Variants in MLST8 observed in about 807,000 individuals in gnomAD.
MLST8 encodes MTOR associated protein MLST8.
In MLST8, 20 loss-of-function variants were observed where a neutral mutation model predicts 41.3. The ratio of observed to expected loss-of-function variants is 0.48; its 90% CI spans 0.34 to 0.70. The LOEUF (loss-of-function observed/expected upper bound fraction) is 0.70. Among genes scored for constraint, MLST8 ranks in the 30% least tolerant of loss-of-function variants. The pLI is 0.01. For synonymous variants in MLST8, 243 were observed against 183.0 expected, an observed-to-expected ratio of 1.33 and a Z score of -2.65; for missense variants, 422 against 454.3, an observed-to-expected ratio of 0.93 and a Z score of 0.65.
At chr16:2,206,924 C>T (rs2093302668) in intron 4 of MLST8, 111 bp from the exon 5 acceptor site, 1 of 1,397,250 alleles carries the variant, frequency 7.2e-7, no homozygotes, top group Non-Finnish European at 1.0e-6. Context: ...AAGTATTTCC[C>T]AAGAGGCAGG....
rs1454579895 is a variant in MLST8, at chr16:2,206,121, G to A, written c.36G>A (p.Pro12=). 16 of 1,609,880 alleles carry A rather than the reference G, an allele frequency of 9.9e-6. No individual in the cohort carries two copies. Among genetic ancestry groups the A allele is most frequent in the Non-Finnish European group, 1.4e-5 (16 of 1,177,844 alleles). The change falls in exon 2 of 9, where the codon CCG becomes CCA. Residue 12 remains proline (P), a synonymous_variant. Transcript: ENST00000569417. ...NTSPGTVGSD[P]VILATAGYDH... ...CCCCAGGCACGGTGGGCAGTGACCCGGTCATCCTGGCCACTGCAGGCTACG... is the reference window on the plus strand; with the variant it reads ...CCCCAGGCACGGTGGGCAGTGACCCAGTCATCCTGGCCACTGCAGGCTACG...
In MLST8 at chr16:2,205,995, G is replaced by A. The variant is rs2093278642; in HGVS notation, c.-55-36G>A. Reference sequence around the variant, plus strand: ...GGGTCTATAATCTACTTAGCACAGAGAGTGTCTTCTAAGTACTTCACATCC... The same window carrying A: ...GGGTCTATAATCTACTTAGCACAGAAAGTGTCTTCTAAGTACTTCACATCC... On this transcript the variant is annotated intron_variant, in intron 1 of 8. Coordinates refer to ENST00000569417, the MANE Select transcript of MLST8 (RefSeq NM_022372.6). 6 of 1,504,598 alleles carry A rather than the reference G, an allele frequency of 4.0e-6. No individual in the cohort carries two copies. In the East Asian group the frequency reaches 6.9e-5, roughly 17 times the overall value. The allele number at this position is 1,504,598 out of a possible 1,614,324, so 93.2% of individuals were successfully genotyped here. A position where few individuals can be genotyped will look rare whatever the true frequency, so the allele number is the denominator to read the frequency against.
chr16:2,208,819 A>AT lies in MLST8; in HGVS notation c.924dup (p.Gly309TrpfsTer14). On this transcript the variant is annotated frameshift_variant, in exon 9 of 9. Coordinates refer to ENST00000569417, the MANE Select transcript of MLST8 (RefSeq NM_022372.6). LOFTEE classifies it high-confidence loss of function. Reference sequence around the variant, plus strand: ...GAGACTGGAGAGATCAAGAGAGAGTATGGCGGCCACCAGAAGGCTGTTGTC... The same window carrying AT: ...GAGACTGGAGAGATCAAGAGAGAGTATTGGCGGCCACCAGAAGGCTGTTGTC... 6.2e-7 allele frequency: 1 copy of AT among 1,613,872 alleles called. No individual in the cohort carries two copies. The highest frequency in any genetic ancestry group is 1.1e-5 in the South Asian group (1 of 91,086).
At position 2,209,248 on chromosome 16, in the gene MLST8, CCAT is replaced by C. The variant is rs2093357748; in HGVS notation, c.*372_*374del. The C allele has an allele frequency of 2.0e-6, 2 of 1,011,380 alleles. No individual in the cohort carries two copies. The highest frequency in any genetic ancestry group is 3.2e-5 in the African/African-American group (2 of 62,342). The allele number at this position is 1,011,380 out of a possible 1,614,324, so 62.7% of individuals were successfully genotyped here. A position where few individuals can be genotyped will look rare whatever the true frequency, so the allele number is the denominator to read the frequency against. The stretch of plus-strand genomic sequence containing the variant: ...CCTCGGTCCATAGAGAACACCACCA[CCAT>C]GGCCAGGTGGAAGGGTTTATTAGTC... On this transcript the variant is annotated 3_prime_UTR_variant, in exon 9 of 9. Transcript: ENST00000569417.
chr16:2,207,166 C>A, intron 5 of MLST8, 27 bp from the exon 6 acceptor site: 1 of 1,613,160 alleles, frequency 6.2e-7, no homozygotes, highest in South Asian at 1.1e-5. Flanking sequence ...TGGGCTTGGG[C>A]CCTGCCTCAC....
chr16:2,207,723 G>A (rs1168247207), intron 6 of MLST8: 1 of 294,226 alleles, frequency 3.4e-6, no homozygotes, highest in Admixed American at 4.7e-5. Context: ...AGTGGTGCCT[G>A]GTCAGTATCA....
Position 2,208,497 on chromosome 16 carries a change from C to T in MLST8, c.746C>T (p.Thr249Met), listed in dbSNP as rs774431592. The T allele has an allele frequency of 5.6e-6, 9 of 1,613,212 alleles. No individual in the cohort carries two copies. The highest frequency in any genetic ancestry group is 5.0e-5 in the Admixed American group (3 of 59,996). ...SADQTCKIWR[T>M]SNFSLMTELS... The stretch of plus-strand genomic sequence containing the variant: ...GATCAGACGTGCAAGATCTGGAGGA[C>T]GTCCAACTTCTCCCTGATGACGGAG... The change falls in exon 8 of 9, where the codon ACG becomes ATG. Residue 249 changes from threonine (T) to methionine (M), a missense_variant. Coordinates refer to ENST00000569417, the MANE Select transcript of MLST8 (RefSeq NM_022372.6).
At position 2,205,991 on chromosome 16, in the gene MLST8, CAG is replaced by C. The variant is rs763230263; in HGVS notation, c.-55-35_-55-34del. On this transcript the variant is annotated intron_variant, in intron 1 of 8. Coordinates refer to ENST00000569417, the MANE Select transcript of MLST8 (RefSeq NM_022372.6). ...TTGTGGGTCTATAATCTACTTAGCA[CAG>C]AGAGTGTCTTCTAAGTACTTCACAT... 101 of 1,502,194 alleles carry C rather than the reference CAG, an allele frequency of 6.7e-5. 3 individuals are homozygous for C. Among genetic ancestry groups the C allele is most frequent in the South Asian group, 4.4e-4 (33 of 75,768 alleles). The allele number at this position is 1,502,194 out of a possible 1,614,324, so 93.1% of individuals were successfully genotyped here.
Position 2,209,044 on chromosome 16 carries a change from C to A in MLST8, c.*167C>A. 1.3e-6 allele frequency: 1 copy of A among 742,130 alleles called. No homozygotes were observed. The highest frequency in any genetic ancestry group is 2.3e-6 in the Non-Finnish European group (1 of 443,354). The allele number at this position is 742,130 out of a possible 1,614,324, so 46.0% of individuals were successfully genotyped here. ...CAGGCTGCCCTGGGACTCTCAGCCCCCAGTTGCTTATCCAGATGTGACAGA... is the reference window on the plus strand; with the variant it reads ...CAGGCTGCCCTGGGACTCTCAGCCCACAGTTGCTTATCCAGATGTGACAGA... On this transcript the variant is annotated 3_prime_UTR_variant, in exon 9 of 9. Coordinates refer to ENST00000569417, the MANE Select transcript of MLST8 (RefSeq NM_022372.6).
At chr16:2,207,407 G>C (rs931987239) in intron 6 of MLST8, 62 bp downstream of exon 6, 5 of 1,574,518 alleles carry the variant, frequency 3.2e-6, no homozygotes. Context: ...AGCCTCTGCA[G>C]GTGGGCTTAT....
At chr16:2,207,640 A>ACACT (rs1001393965) in intron 6 of MLST8, 2 of 454,864 alleles carry the variant, frequency 4.4e-6, no homozygotes, top group Non-Finnish European at 8.0e-6. Context: ...GACGGCTGAC[A>ACACT]CACTCTCTGA....
At position 2,208,279 on chromosome 16, in the gene MLST8, A is replaced by G. The variant is rs2093336857; in HGVS notation, c.643A>G (p.Lys215Glu). ...GGTGACCCAGCTCATCCCCAAGACT[A>G]AGATCCCTGCCCACACGCGCTACGC... ...DEVTQLIPKT[K>E]IPAHTRYALQ... is the part of the protein sequence containing the mutation. The change falls in exon 7 of 9, where the codon AAG becomes GAG. Residue 215 changes from lysine to glutamate, a missense_variant. By Grantham distance (56) the Lys-to-Glu change is moderately conservative. Coordinates refer to ENST00000569417, the MANE Select transcript of MLST8 (RefSeq NM_022372.6). 2 of 1,613,484 alleles carry G rather than the reference A, an allele frequency of 1.2e-6. No homozygotes were observed. Among genetic ancestry groups the G allele is most frequent in the Non-Finnish European group, 1.7e-6 (2 of 1,179,720 alleles).
Position 2,206,023 on chromosome 16 carries a change from C to G in MLST8, c.-55-8C>G, listed in dbSNP as rs775826558. The G allele has an allele frequency of 6.6e-7, 1 of 1,521,056 alleles. No homozygotes were observed. The highest frequency in any genetic ancestry group is 1.4e-5 in the African/African-American group (1 of 72,158). The allele number at this position is 1,521,056 out of a possible 1,614,324, so 94.2% of individuals were successfully genotyped here. On this transcript the variant is annotated splice_region_variant and splice_polypyrimidine_tract_variant and intron_variant, in intron 1 of 8. Transcript: ENST00000569417. ...TGTCTTCTAAGTACTTCACATCCTT[C>G]TCTGCAGATGCTCTGACCTTTGACC...
rs756868425 is a variant in MLST8 at position 2,206,253 on chromosome 16, G to T, written c.129+39G>T. The T allele has an allele frequency of 7.5e-6, 12 of 1,600,700 alleles. No homozygotes were observed. In the Admixed American group the frequency reaches 1.0e-4, roughly 13 times the overall value. ...GGGGCGGGCAGGGCGGCGCTGGGGG[G>T]ATGCCTCGTGTGGGGACCACAGCCT... On this transcript the variant is annotated intron_variant, in intron 2 of 8. Transcript: ENST00000569417.
rs774735084 is a variant in MLST8, at chr16:2,208,886, C to T, written c.*9C>T. Reference sequence around the variant, plus strand: ...ACAGTGTGCTGGGCTAGCCTGTGACCCCTCGGGACTGCCTGGTGCAGGTGG... The same window carrying T: ...ACAGTGTGCTGGGCTAGCCTGTGACTCCTCGGGACTGCCTGGTGCAGGTGG... On this transcript the variant is annotated 3_prime_UTR_variant, in exon 9 of 9. Coordinates refer to ENST00000569417, the MANE Select transcript of MLST8 (RefSeq NM_022372.6). 6.2e-7 allele frequency: 1 copy of T among 1,612,474 alleles called. No homozygotes were observed. The highest frequency in any genetic ancestry group is 8.5e-7 in the Non-Finnish European group (1 of 1,179,688).
chr16:2,205,883 G>A, intron 1 of MLST8, 148 bp from the exon 2 acceptor site: 1 of 1,379,626 alleles, frequency 7.2e-7, no homozygotes, highest in South Asian at 1.6e-5. Flanking sequence ...CAGGTATCAC[G>A]CGTGTGACGC....
At chr16:2,207,954 CCATCGG>C in intron 6 of MLST8, 2 of 402,470 alleles carry the variant, frequency 5.0e-6, no homozygotes, top group Non-Finnish European at 4.5e-6. Flanking sequence ...CTTCCGTTGG[CCATCGG>C]CATCCTCCAG....
chr16:2,206,341 C>T lies in MLST8; in HGVS notation c.130-17C>T. 1.2e-6 allele frequency: 2 copies of T among 1,613,836 alleles called. No homozygotes were observed. The highest frequency in any genetic ancestry group is 1.7e-6 in the Non-Finnish European group (2 of 1,179,984). On this transcript the variant is annotated splice_polypyrimidine_tract_variant and intron_variant, in intron 2 of 8. Coordinates refer to ENST00000569417, the MANE Select transcript of MLST8 (RefSeq NM_022372.6). The stretch of plus-strand genomic sequence containing the variant: ...GCCTCAGGGCTACCTTCCCGTCATC[C>T]TCCTTAACAGTCCCAGCAGGTGAAT...
chr16:2,207,406 A>G, intron 6 of MLST8, 61 bp downstream of exon 6: 1 of 1,574,986 alleles, frequency 6.3e-7, no homozygotes, highest in Admixed American at 1.7e-5. Context: ...CAGCCTCTGC[A>G]GGTGGGCTTA....
Sources: allele counts gnomAD v4.1 joint callset, GRCh38; gene constraint gnomAD v4.1.1; transcripts MANE v1.5; gene names NCBI Gene and HGNC (gene_info 2026-07-23, HGNC 2026-07-21).